The following CNOT2 variants were observed in gnomAD, a reference collection of about 807,000 sequenced individuals.
CNOT2 encodes CC chemokine receptor 4-negative regulator of transcription 2.
CNOT2 carries 7 observed loss-of-function variants against 72.1 expected under a neutral mutation model. The observed-to-expected ratio is 0.10, with a 90% CI of 0.06 to 0.18. The LOEUF (loss-of-function observed/expected upper bound fraction) is 0.18, where lower values mean the gene tolerates loss of function less well. CNOT2 is among the 10% of genes least tolerant of loss of function. The pLI is 1.00. For synonymous variants in CNOT2, 196 were observed against 225.6 expected, an observed-to-expected ratio of 0.87 and a Z score of 1.17; for missense variants, 345 against 660.3, an observed-to-expected ratio of 0.52 and a Z score of 5.23.
intron 1 of CNOT2, among the ~76,000 whole-genome samples, chr12:70,269,522 TAAAC>T (rs950623521): frequency 1.3e-5 from 2 of 152,156 alleles, no homozygotes; most frequent in African/African-American, 4.8e-5. Flanking sequence ...AAATATTGAC[TAAAC>T]AAACTCAGTA....
intron 2 of CNOT2, among the ~76,000 whole-genome samples, chr12:70,309,331 A>G (rs1439492972): frequency 6.6e-6 from 1 of 152,212 alleles, no homozygotes; most frequent in African/African-American, 2.4e-5. Flanking sequence ...TAGCAAAGTA[A>G]TAGGTTAGCT....
intron 11 of CNOT2, among the ~76,000 whole-genome samples, chr12:70,339,887 A>T (rs1214003223): frequency 6.6e-6 from 1 of 152,128 alleles, no homozygotes; most frequent in Non-Finnish European, 1.5e-5. Context: ...CACCTATGTT[A>T]TTCTTGTTTT....
At chr12:70,291,372 G>A (rs1422327726) in intron 2 of CNOT2, among the ~76,000 whole-genome samples, 1 of 152,170 alleles carries the variant, frequency 6.6e-6, no homozygotes, top group African/African-American at 2.4e-5. Flanking sequence ...GGCCAAAAAT[G>A]CTACCGGCAC....
chr12:70,268,076 T>G (rs987109794), intron 1 of CNOT2, among the ~76,000 whole-genome samples: 16 of 152,260 alleles, frequency 1.1e-4, no homozygotes, highest in African/African-American at 3.9e-4. Context: ...TCCCATTCAT[T>G]CATAAAACTC....
At chr12:70,281,873 T>TAAAC (rs1555192251) in intron 2 of CNOT2, among the ~76,000 whole-genome samples, 3 of 152,156 alleles carry the variant, frequency 2.0e-5, no homozygotes, top group South Asian at 2.1e-4. Context: ...TAAATAAATT[T>TAAAC]TAAAGTTCAT....
intron 2 of CNOT2, among the ~76,000 whole-genome samples, chr12:70,295,507 A>T (rs1872669204): frequency 1.3e-5 from 2 of 152,074 alleles, no homozygotes; most frequent in Admixed American, 1.3e-4. Context: ...TCTTTTAAGG[A>T]TTTAAAATAT....
intron 1 of CNOT2, among the ~76,000 whole-genome samples, chr12:70,266,099 GTAT>G (rs373889047): frequency 4.0e-5 from 6 of 149,230 alleles, no homozygotes; most frequent in Admixed American, 6.7e-5. Context: ...CGTTGATGTT[GTAT>G]TATTATTATT....
At chr12:70,350,855 G>A (rs1882773794) in intron 15 of CNOT2, among the ~76,000 whole-genome samples, 1 of 152,114 alleles carries the variant, frequency 6.6e-6, no homozygotes, top group Admixed American at 6.5e-5. Context: ...AGAGAAAGCT[G>A]ACATTTCATG....
intron 4 of CNOT2, among the ~76,000 whole-genome samples, chr12:70,320,042 T>A (rs1292520615): frequency 6.6e-6 from 1 of 151,712 alleles, no homozygotes; most frequent in African/African-American, 2.4e-5. Flanking sequence ...ATCTTTATAT[T>A]TTCTCAAATT....
intron 15 of CNOT2, among the ~76,000 whole-genome samples, chr12:70,351,456 G>C (rs945577872): frequency 6.6e-6 from 1 of 152,060 alleles, no homozygotes; most frequent in Non-Finnish European, 1.5e-5. Context: ...ATTTTAAAAC[G>C]TGGAAGGCAA....
chr12:70,310,687 T>A (rs1039435854), intron 2 of CNOT2, among the ~76,000 whole-genome samples: 12 of 152,104 alleles, frequency 7.9e-5, no homozygotes, highest in Non-Finnish European at 1.8e-4. Context: ...TATGTGATTC[T>A]CCTACTTTTA....
intron 3 of CNOT2, among the ~76,000 whole-genome samples, chr12:70,311,382 A>G (rs555836594): frequency 1.3e-5 from 2 of 152,134 alleles, no homozygotes; most frequent in East Asian, 3.9e-4. Flanking sequence ...AAGCAGATTT[A>G]CGCAGACTTG....
intron 1 of CNOT2, among the ~76,000 whole-genome samples, chr12:70,254,270 TA>T (rs1474430237): frequency 6.7e-6 from 1 of 150,338 alleles, no homozygotes; most frequent in African/African-American, 2.5e-5. Context: ...TTATATAATA[TA>T]AAAAAGTTAA....
At chr12:70,337,288 A>G in intron 8 of CNOT2, 101 bp from the exon 9 acceptor site, 2 of 944,652 alleles carry the variant, frequency 2.1e-6, no homozygotes, top group Non-Finnish European at 3.2e-6. Flanking sequence ...TAAAAAAAAG[A>G]AACCTTTTGG....
chr12:70,271,216 T>C (rs1378148864), intron 1 of CNOT2, among the ~76,000 whole-genome samples: 1 of 152,096 alleles, frequency 6.6e-6, no homozygotes, highest in African/African-American at 2.4e-5. Context: ...ACAACACCTA[T>C]TGGGGAAAGA....
intron 6 of CNOT2, chr12:70,331,210 T>C (rs543451314): frequency 3.9e-5 from 6 of 152,098 alleles, no homozygotes; most frequent in South Asian, 4.1e-4. Context: ...CTAGTTGTTA[T>C]CATCATACCT....
intron 1 of CNOT2, among the ~76,000 whole-genome samples, chr12:70,252,809 A>C (rs945141169): frequency 5.3e-5 from 8 of 152,222 alleles, no homozygotes; most frequent in African/African-American, 1.9e-4. Context: ...GATAAATAAC[A>C]ATACTTACCC....
intron 2 of CNOT2, among the ~76,000 whole-genome samples, chr12:70,278,866 G>A (rs530030316): frequency 2.0e-5 from 3 of 152,112 alleles, no homozygotes; most frequent in Non-Finnish European, 4.4e-5. Context: ...TAGTGGAAAT[G>A]TAACATTGCT....
chr12:70,344,501 T>C (rs754805596), intron 14 of CNOT2: 8 of 317,256 alleles, frequency 2.5e-5, no homozygotes, highest in Non-Finnish European at 3.5e-5. Context: ...GGTGGACAGA[T>C]CACTTGAGGC....
Sources: gnomAD v4.1 joint callset for allele counts (sites outside exome capture counted in the v4.1 genomes callset) on GRCh38, gnomAD v4.1.1 for gene constraint, MANE v1.5 for transcripts, NCBI Gene and HGNC (gene_info 2026-07-23, HGNC 2026-07-21) for gene names.